SOX6: variants seen among roughly 807,000 people sequenced by gnomAD.
SOX6 encodes the protein SRY-box transcription factor 6, also known as transcription factor SOX-6.
Under a neutral mutation model 97.8 loss-of-function variants are expected in SOX6, and 11 were observed. The ratio of observed to expected loss-of-function variants is 0.11; its 90% CI spans 0.07 to 0.19. SOX6 has a LOEUF of 0.19. SOX6 is among the 10% of genes least tolerant of loss of function. SOX6 has a pLI of 1.00. For missense variants in SOX6, 810 were observed against 1,039.5 expected, an observed-to-expected ratio of 0.78 and a Z score of 3.04; for synonymous variants, 360 against 371.4, an observed-to-expected ratio of 0.97 and a Z score of 0.35.
At chr11:16,630,993 G>T (rs569355130) in intron 3 of SOX6, among the ~76,000 whole-genome samples, 1 of 151,218 alleles carries the variant, frequency 6.6e-6, no homozygotes, top group African/African-American at 2.4e-5. Flanking sequence ...TGTGAGATGG[G>T]TGTCTTCAAG....
chr11:16,365,898 T>A (rs981307455), intron 1 of SOX6, among the ~76,000 whole-genome samples: 3 of 152,056 alleles, frequency 2.0e-5, no homozygotes, highest in Non-Finnish European at 2.9e-5. Flanking sequence ...TTCCCTTCCA[T>A]GAGAAAAGGA....
rs59728776 is a variant in SOX6 at position 16,085,319 on chromosome 11, T to TA, written c.1101+10676dup. Among the ~76,000 whole-genome samples the TA allele has an allele frequency of 8.3e-3, 1,228 of 148,672 alleles. 8 individuals are homozygous for TA. The highest frequency in any genetic ancestry group is 9.7e-3 in the African/African-American group (397 of 40,760). ...TGACAGTAAGTGTTTCTCCTTTTCT[T>TA]AAAAAAAAAAATTGCTTTTTTTAAA... On this transcript the variant is annotated intron_variant, in intron 9 of 15. Coordinates refer to ENST00000683767, the MANE Select transcript of SOX6 (RefSeq NM_001367873.1).
intron 3 of SOX6, among the ~76,000 whole-genome samples, chr11:16,288,067 T>C (rs1854804068): frequency 6.6e-6 from 1 of 152,166 alleles, no homozygotes; most frequent in Non-Finnish European, 1.5e-5. Flanking sequence ...ACTTTACAGG[T>C]ACACTGGCTA....
chr11:16,406,553 G>A (rs1342640974), intron 1 of SOX6, among the ~76,000 whole-genome samples: 1 of 152,090 alleles, frequency 6.6e-6, no homozygotes, highest in African/African-American at 2.4e-5. Context: ...CAGCAAGAGT[G>A]TGAACAGAAA....
At chr11:16,686,087 A>G (rs1847967122) in intron 3 of SOX6, among the ~76,000 whole-genome samples, 1 of 152,212 alleles carries the variant, frequency 6.6e-6, no homozygotes, top group Admixed American at 6.5e-5. Context: ...CCTGGCCCAT[A>G]AAAGCATTCT....
intron 1 of SOX6, among the ~76,000 whole-genome samples, chr11:16,382,759 G>A (rs1284457291): frequency 1.3e-5 from 2 of 151,748 alleles, no homozygotes; most frequent in East Asian, 3.9e-4. Flanking sequence ...CTAAGAAATG[G>A]ACCTAAAATG....
intron 9 of SOX6, among the ~76,000 whole-genome samples, chr11:16,060,024 C>A (rs981192307): frequency 6.6e-6 from 1 of 151,934 alleles, no homozygotes; most frequent in African/African-American, 2.4e-5. Flanking sequence ...GAGATGCTAA[C>A]AGTCCTTGGT....
intron 4 of SOX6, among the ~76,000 whole-genome samples, chr11:16,513,499 G>C (rs1420897490): frequency 1.3e-5 from 2 of 152,178 alleles, no homozygotes; most frequent in Admixed American, 1.3e-4. Flanking sequence ...CGGGCAAAGT[G>C]GCATGTGCCT....
intron 1 of SOX6, among the ~76,000 whole-genome samples, chr11:16,411,502 T>C (rs1298753833): frequency 6.6e-6 from 1 of 152,070 alleles, no homozygotes; most frequent in East Asian, 1.9e-4. Context: ...AGAATACACA[T>C]CTTTTAATTT....
rs192282177 is a variant in SOX6, at chr11:16,575,335, T to C, written n.609+36746A>G. Among the ~76,000 whole-genome samples the C allele has an allele frequency of 3.0e-4, 45 of 152,278 alleles. 2 individuals are homozygous for C. Among genetic ancestry groups the C allele is most frequent in the African/African-American group, 1.0e-3 (43 of 41,570 alleles). The stretch of plus-strand genomic sequence containing the variant: ...AACACTTTTTGAAAAGAGTTTCACA[T>C]TATCTAGAAAAGATGAAGATAGGCA... On this transcript the variant is annotated intron_variant and non_coding_transcript_variant, in intron 4 of 5. Coordinates refer to the SOX6 transcript ENST00000524520.
chr11:16,512,519 C>A (rs971442767), intron 4 of SOX6, among the ~76,000 whole-genome samples: 1 of 152,116 alleles, frequency 6.6e-6, no homozygotes, highest in South Asian at 2.1e-4. Context: ...ACACACATCT[C>A]ATTAATAATT....
chr11:16,555,152 A>G (rs1201107691), intron 4 of SOX6, among the ~76,000 whole-genome samples: 2 of 151,942 alleles, frequency 1.3e-5, no homozygotes, highest in Non-Finnish European at 2.9e-5. Context: ...AAATAAATAA[A>G]CAAACAAACA....
At chr11:16,279,189 C>T (rs188004246) in intron 3 of SOX6, among the ~76,000 whole-genome samples, 12 of 152,156 alleles carry the variant, frequency 7.9e-5, no homozygotes, top group Admixed American at 3.9e-4. Flanking sequence ...ACAGTGGATA[C>T]ACCCTAAATG....
chr11:16,107,784 A>G (rs1463079541), intron 7 of SOX6, among the ~76,000 whole-genome samples: 1 of 152,164 alleles, frequency 6.6e-6, no homozygotes, highest in Non-Finnish European at 1.5e-5. Context: ...GGCTAAAACA[A>G]TAACTATTAT....
At position 16,434,830 on chromosome 11, in the gene SOX6, C is replaced by T. The variant is rs190879514; in HGVS notation, c.-5+41485G>A. 9.2e-4 allele frequency among the ~76,000 whole-genome samples: 139 copies of T among 151,566 alleles called. 3 individuals carry two copies. In the East Asian group the frequency reaches 0.024, roughly 26 times the overall value. On this transcript the variant is annotated intron_variant, in intron 1 of 15. Transcript: ENST00000396356. The stretch of plus-strand genomic sequence containing the variant: ...AATATGCTACAATTTATAAAATCAG[C>T]CACAAAAAAGTGGCAGTCATAAATA...
chr11:16,537,842 A>G (rs1228946077), intron 4 of SOX6, among the ~76,000 whole-genome samples: 1 of 152,196 alleles, frequency 6.6e-6, no homozygotes, highest in African/African-American at 2.4e-5. Context: ...CACCAAATCT[A>G]CGTTTGATTG....
intron 1 of SOX6, among the ~76,000 whole-genome samples, chr11:16,428,786 T>C (rs936027878): frequency 2.0e-4 from 30 of 152,218 alleles, no homozygotes; most frequent in African/African-American, 6.8e-4. Flanking sequence ...TTCTTTTGGC[T>C]TAGGATTGAC....
intron 6 of SOX6, among the ~76,000 whole-genome samples, chr11:16,166,845 A>G (rs1850899435): frequency 6.6e-6 from 1 of 152,178 alleles, no homozygotes; most frequent in African/African-American, 2.4e-5. Flanking sequence ...TGGAGATGTG[A>G]AAGTATGAGT....
intron 6 of SOX6, among the ~76,000 whole-genome samples, chr11:16,124,720 G>A (rs79176070): frequency 0.012 from 1,831 of 152,096 alleles, 35 homozygotes; most frequent in African/African-American, 0.042. Flanking sequence ...TAAGAAAATC[G>A]GAATTGTATT....
Sources: gnomAD v4.1 joint callset for allele counts (sites outside exome capture counted in the v4.1 genomes callset) on GRCh38, gnomAD v4.1.1 for gene constraint, MANE v1.5 for transcripts, NCBI Gene and HGNC (gene_info 2026-07-23, HGNC 2026-07-21) for gene names.